Variants in COA1 observed in about 807,000 individuals in gnomAD.
COA1 encodes cytochrome c oxidase assembly factor 1 homolog.
COA1 carries 13 observed loss-of-function variants against 16.0 expected under a neutral mutation model. That is an observed-to-expected ratio of 0.81 (90% CI 0.53 to 1.29). COA1 has a LOEUF of 1.29. Ranked by LOEUF, COA1 falls within the 50% of genes most tolerant of loss-of-function variation. The pLI, the probability that COA1 is intolerant of heterozygous loss-of-function variation, is 0.00. For missense variants in COA1, 179 were observed against 177.0 expected, an observed-to-expected ratio of 1.01 and a Z score of -0.06; for synonymous variants, 65 against 65.7, an observed-to-expected ratio of 0.99 and a Z score of 0.05.
In COA1 at chr7:43,674,585, C is replaced by T. The variant is rs184907362; in HGVS notation, c.-38-25933G>A. Among the ~76,000 whole-genome samples the T allele has an allele frequency of 1.4e-4, 22 of 152,300 alleles. No homozygotes were observed. In the East Asian group the frequency reaches 4.2e-3, roughly 29 times the overall value. On this transcript the variant is annotated intron_variant, in intron 1 of 5. Coordinates refer to ENST00000223336, the MANE Select transcript of COA1 (RefSeq NM_018224.4). ...TTACTGTGGGCAATGTGATGATAAA[C>T]CACTCCTTGTGTTAGAAAAGAATTA...
rs192505504 is a variant in COA1 at position 43,668,698 on chromosome 7, T to G, written c.-38-20046A>C. On this transcript the variant is annotated intron_variant, in intron 1 of 5. Coordinates refer to ENST00000223336, the MANE Select transcript of COA1 (RefSeq NM_018224.4). ...TAAAAATCTGGATCAATATGCTGGT[T>G]CTGGGCAATTATCCTGCAAATTCTG... Among the ~76,000 whole-genome samples, 30 of 152,364 alleles carry G rather than the reference T, an allele frequency of 2.0e-4. No homozygotes were observed. In the East Asian group the frequency reaches 5.8e-3, roughly 29 times the overall value.
At chr7:43,626,792 G>GT (rs1421209557) in intron 6 of COA1, 8 of 152,126 alleles carry the variant, frequency 5.3e-5, no homozygotes, top group African/African-American at 1.9e-4. Flanking sequence ...TATAATTGCT[G>GT]TATTTGTGAG....
intron 6 of COA1, among the ~76,000 whole-genome samples, chr7:43,615,278 T>C (rs900623772): frequency 6.6e-6 from 1 of 152,140 alleles, no homozygotes; most frequent in Non-Finnish European, 1.5e-5. Context: ...CAGGCTCAAG[T>C]GATCCTCCCA....
chr7:43,651,483 G>A (rs946298657), intron 1 of COA1, among the ~76,000 whole-genome samples: 4 of 152,180 alleles, frequency 2.6e-5, no homozygotes, highest in East Asian at 1.9e-4. Context: ...TCTGCTAAAC[G>A]GATGCAGCAG....
intron 1 of COA1, among the ~76,000 whole-genome samples, chr7:43,653,621 G>A (rs749480224): frequency 3.9e-5 from 6 of 151,964 alleles, no homozygotes; most frequent in Admixed American, 1.3e-4. Context: ...TCTTAATCAC[G>A]AGGCAAGCTC....
chr7:43,623,432 T>A, intron 6 of COA1: 3 of 674,170 alleles, frequency 4.4e-6, no homozygotes, highest in Non-Finnish European at 5.0e-6. Flanking sequence ...TTAATTCATA[T>A]TAATTTATGG....
intron 6 of COA1, chr7:43,624,529 C>T (rs2084276615): frequency 6.2e-7 from 1 of 1,611,812 alleles, no homozygotes; most frequent in East Asian, 2.2e-5. Context: ...GATCGAGCCA[C>T]TGCTGAAGAA....
intron 1 of COA1, among the ~76,000 whole-genome samples, chr7:43,710,369 A>T (rs1179407621): frequency 0.022 from 2,141 of 98,288 alleles, 63 homozygotes; most frequent in African/African-American, 0.095. Flanking sequence ...AAAAAAAAAA[A>T]AAAAAAATAT....
At chr7:43,726,099 T>C (rs1436214072) in intron 1 of COA1, among the ~76,000 whole-genome samples, 1 of 152,136 alleles carries the variant, frequency 6.6e-6, no homozygotes, top group Admixed American at 6.6e-5. Flanking sequence ...CTGTCCAATA[T>C]GGCTCTCACA....
intron 1 of COA1, among the ~76,000 whole-genome samples, chr7:43,719,908 A>C (rs1430945791): frequency 6.6e-6 from 1 of 152,188 alleles, no homozygotes; most frequent in Admixed American, 6.5e-5. Context: ...GAAAGAAGAG[A>C]GGCCACATCA....
chr7:43,613,873 A>G (rs1319006996), intron 6 of COA1, among the ~76,000 whole-genome samples: 1 of 152,170 alleles, frequency 6.6e-6, no homozygotes, highest in African/African-American at 2.4e-5. Flanking sequence ...ATTAATTTCT[A>G]AAAATTAATT....
intron 1 of COA1, among the ~76,000 whole-genome samples, chr7:43,703,746 G>T (rs2094853865): frequency 6.6e-6 from 1 of 152,182 alleles, no homozygotes; most frequent in African/African-American, 2.4e-5. Context: ...GTCACTGCAT[G>T]CAAGATGAGT....
intron 1 of COA1, among the ~76,000 whole-genome samples, chr7:43,661,737 T>C (rs1459555501): frequency 6.6e-6 from 1 of 152,124 alleles, no homozygotes. Context: ...AGTGTGGTCC[T>C]TGTACCTCTG....
chr7:43,639,554 G>A lies in COA1; in HGVS notation c.*28C>T. 1 of 1,585,786 alleles carries A rather than the reference G, an allele frequency of 6.3e-7. No homozygotes were observed. The highest frequency in any genetic ancestry group is 8.7e-7 in the Non-Finnish European group (1 of 1,154,592). ...GTAGAGATGAGGGAAGGATGGACTA[G>A]AAGCAAGCTGGGTCTTCTGGGTCGT... On this transcript the variant is annotated 3_prime_UTR_variant, in exon 6 of 6. Transcript: ENST00000223336.
At chr7:43,676,402 G>C (rs529827904) in intron 1 of COA1, among the ~76,000 whole-genome samples, 5 of 152,172 alleles carry the variant, frequency 3.3e-5, no homozygotes, top group African/African-American at 9.6e-5. Flanking sequence ...ATACGCAATA[G>C]AATACTATTC....
At chr7:43,616,017 A>G (rs2083307757) in intron 6 of COA1, among the ~76,000 whole-genome samples, 1 of 152,020 alleles carries the variant, frequency 6.6e-6, no homozygotes, top group Non-Finnish European at 1.5e-5. Flanking sequence ...AGGTGTACTT[A>G]TTTGTCTTAA....
At chr7:43,672,727 G>A (rs998512488) in intron 1 of COA1, among the ~76,000 whole-genome samples, 4 of 147,380 alleles carry the variant, frequency 2.7e-5, no homozygotes, top group East Asian at 2.0e-4. Context: ...CCAAGATCAC[G>A]CCACTGCACT....
intron 4 of COA1, among the ~76,000 whole-genome samples, chr7:43,644,756 A>C (rs1300439187): frequency 1.2e-5 from 1 of 84,054 alleles, no homozygotes; most frequent in Non-Finnish European, 2.7e-5. Context: ...ATAGATAGAT[A>C]GATAGGCAGG....
Position 43,648,320 on chromosome 7 carries a change from TTAATTTG to T in COA1, c.15+273_15+279del. The stretch of plus-strand genomic sequence containing the variant: ...GAAGAATGTATTAGTCAGATCTTGC[TTAATTTG>T]AAGAGAGCTCAACAGGGTGAGGCAG... On this transcript the variant is annotated intron_variant, in intron 2 of 5. Coordinates refer to ENST00000223336, the MANE Select transcript of COA1 (RefSeq NM_018224.4). The T allele has an allele frequency of 7.3e-6, 4 of 547,960 alleles. No individual in the cohort carries two copies. In the South Asian group the frequency reaches 9.7e-5, roughly 13 times the overall value. The allele number at this position is 547,960 out of a possible 1,614,324, so 33.9% of individuals were successfully genotyped here.
Sources: allele counts gnomAD v4.1 joint callset (sites outside exome capture counted in the v4.1 genomes callset), GRCh38; gene constraint gnomAD v4.1.1; transcripts MANE v1.5; gene names NCBI Gene and HGNC (gene_info 2026-07-23, HGNC 2026-07-21).